Variants in EIF4G3 observed in about 807,000 individuals in gnomAD.
EIF4G3 encodes eukaryotic translation initiation factor 4 gamma 3.
In EIF4G3, 34 loss-of-function variants were observed where a neutral mutation model predicts 186.4. The ratio of observed to expected loss-of-function variants is 0.18; its 90% CI spans 0.14 to 0.24. The LOEUF is 0.24. EIF4G3 is among the 10% of genes least tolerant of loss of function. The pLI, the probability that EIF4G3 is intolerant of heterozygous loss-of-function variation, is 1.00. For missense variants in EIF4G3, 1,536 were observed against 1,948.5 expected, an observed-to-expected ratio of 0.79 and a Z score of 3.99; for synonymous variants, 673 against 679.5, an observed-to-expected ratio of 0.99 and a Z score of 0.15.
chr1:20,950,660 T>G (rs2096171845), intron 12 of EIF4G3, among the ~76,000 whole-genome samples: 1 of 152,166 alleles, frequency 6.6e-6, no homozygotes, highest in African/African-American at 2.4e-5. Flanking sequence ...AATAAAGCAA[T>G]TTTACCATAA....
At chr1:20,977,244 G>A (rs2077045617) in intron 10 of EIF4G3, among the ~76,000 whole-genome samples, 1 of 151,788 alleles carries the variant, frequency 6.6e-6, no homozygotes, top group Non-Finnish European at 1.5e-5. Context: ...TGGAGTGCAG[G>A]GGCATGATCT....
chr1:21,135,269 G>A (rs1409539670), intron 2 of EIF4G3, among the ~76,000 whole-genome samples: 1 of 152,198 alleles, frequency 6.6e-6, no homozygotes. Flanking sequence ...GGAGACCAAG[G>A]CGGGTGGATC....
At chr1:20,940,347 T>C (rs1272747894) in intron 14 of EIF4G3, among the ~76,000 whole-genome samples, 2 of 152,244 alleles carry the variant, frequency 1.3e-5, no homozygotes, top group East Asian at 1.9e-4. Context: ...TTGCATTGTT[T>C]TCTTTCCTGT....
At chr1:20,986,744 C>CAAAAAAAAAAAAAAA (rs61255473) in intron 7 of EIF4G3, among the ~76,000 whole-genome samples, 18 of 66,316 alleles carry the variant, frequency 2.7e-4, no homozygotes, top group East Asian at 7.1e-4. Context: ...GCTCTGTCTC[C>CAAAAAAAAAAAAAAA]AAAAAAAAAA....
intron 9 of EIF4G3, 72 bp from the exon 10 acceptor site, chr1:20,980,520 A>T (rs905597421): frequency 3.9e-6 from 4 of 1,037,904 alleles, no homozygotes; most frequent in Admixed American, 7.0e-5. Context: ...TAAAATAATA[A>T]GAAAGTAGCT....
At chr1:20,854,304 T>A (rs948099424) in intron 26 of EIF4G3, among the ~76,000 whole-genome samples, 2 of 152,140 alleles carry the variant, frequency 1.3e-5, no homozygotes, top group Non-Finnish European at 2.9e-5. Context: ...ATTAAGATTC[T>A]TTTATCAGCA....
In EIF4G3 at chr1:20,841,110, T is replaced by TACTGATTC. The variant is rs1210182178; in HGVS notation, c.3889-83_3889-82insGAATCAGT. 6.3e-6 allele frequency: 9 copies of TACTGATTC among 1,418,256 alleles called. No individual in the cohort carries two copies. In the African/African-American group the frequency reaches 1.3e-4, roughly 20 times the overall value. 87.9% of individuals were successfully genotyped at this position (1,418,256 alleles called of 1,614,324 possible). ...TTAAGATAACTTTAAAATCTTTTAC[T>TACTGATTC]TACAACAGAATCAGTAGAAACTTCC... On this transcript the variant is annotated intron_variant, in intron 29 of 36. Transcript: ENST00000602326.
chr1:21,135,993 C>A (rs1215095579), intron 2 of EIF4G3, among the ~76,000 whole-genome samples: 2 of 150,972 alleles, frequency 1.3e-5, no homozygotes, highest in Non-Finnish European at 3.0e-5. Context: ...ACCATCCTGG[C>A]TAACAAGGTG....
rs2058227247 is a variant in EIF4G3, at chr1:20,807,180, T to C, written c.*139A>G. 3.0e-6 allele frequency: 2 copies of C among 655,870 alleles called. No individual in the cohort carries two copies. Among genetic ancestry groups the C allele is most frequent in the Non-Finnish European group, 4.7e-6 (2 of 422,826 alleles). The allele number at this position is 655,870 out of a possible 1,614,324, so 40.6% of individuals were successfully genotyped here. On this transcript the variant is annotated 3_prime_UTR_variant, in exon 37 of 37. Transcript: ENST00000602326. ...TTTCCTCCATGATCACCTTTTTTTCTCTTTCCCCTCTCCCACTCGTGCACA... is the reference window on the plus strand; with the variant it reads ...TTTCCTCCATGATCACCTTTTTTTCCCTTTCCCCTCTCCCACTCGTGCACA...
rs11811292 is a variant in EIF4G3, at chr1:20,854,712, T to A, written c.3433+266A>T. ...AGAGCGGGATCCCATCTCAAAAATA[T>A]ATAAATAAATAAATAAATAAATAAA... On this transcript the variant is annotated intron_variant, in intron 26 of 36. Coordinates refer to ENST00000602326, the MANE Select transcript of EIF4G3 (RefSeq NM_001391906.1). Among the ~76,000 whole-genome samples, 1,316 of 148,054 alleles carry A rather than the reference T, an allele frequency of 8.9e-3. 16 individuals carry two copies. Among genetic ancestry groups the A allele is most frequent in the African/African-American group, 0.024 (954 of 39,700 alleles).
rs1229688680 is a variant in EIF4G3 at position 20,858,945 on chromosome 1, G to A, written c.3244+1440C>T. On this transcript the variant is annotated intron_variant, in intron 24 of 36. Transcript: ENST00000602326. The stretch of plus-strand genomic sequence containing the variant: ...CGGGAGGCGGAGGTTGCAGTGAGCC[G>A]AGATCGCGCTACTGCACTCCAGCCT... 5.9e-5 allele frequency among the ~76,000 whole-genome samples: 9 copies of A among 152,178 alleles called. No individual in the cohort carries two copies. The East Asian group carries it at 1.5e-3, about 26-fold the overall frequency.
At chr1:21,054,615 C>T (rs2094478827) in intron 3 of EIF4G3, among the ~76,000 whole-genome samples, 1 of 152,072 alleles carries the variant, frequency 6.6e-6, no homozygotes, top group African/African-American at 2.4e-5. Flanking sequence ...CATCATTAGA[C>T]ATATTCTCTA....
chr1:20,837,394 C>T (rs568945666), intron 30 of EIF4G3, among the ~76,000 whole-genome samples: 10 of 152,230 alleles, frequency 6.6e-5, no homozygotes, highest in Non-Finnish European at 1.0e-4. Context: ...TTAGCAGAGA[C>T]GGGGTTTCAC....
At position 21,138,346 on chromosome 1, in the gene EIF4G3, C is replaced by G. The variant is rs72654852; in HGVS notation, c.-272+37829G>C. ...TCAATAGGTACATGAATCACAATGACCCAAGTCCCTCAAGAGTGACCTGAA... is the reference window on the plus strand; with the variant it reads ...TCAATAGGTACATGAATCACAATGAGCCAAGTCCCTCAAGAGTGACCTGAA... On this transcript the variant is annotated intron_variant, in intron 2 of 36. Coordinates refer to ENST00000602326, the MANE Select transcript of EIF4G3 (RefSeq NM_001391906.1). Among the ~76,000 whole-genome samples, 853 of 152,224 alleles carry G rather than the reference C, an allele frequency of 5.6e-3. 3 individuals are homozygous for G. The highest frequency in any genetic ancestry group is 9.6e-3 in the Non-Finnish European group (654 of 68,006).
chr1:21,123,395 T>G (rs1053675708), intron 2 of EIF4G3, among the ~76,000 whole-genome samples: 2 of 151,670 alleles, frequency 1.3e-5, no homozygotes, highest in East Asian at 1.9e-4. Flanking sequence ...AAACCCTGTC[T>G]CTACTAAAAA....
At chr1:20,808,740 G>A (rs1249904233) in intron 36 of EIF4G3, among the ~76,000 whole-genome samples, 5 of 152,106 alleles carry the variant, frequency 3.3e-5, no homozygotes, top group Non-Finnish European at 7.4e-5. Context: ...ATCTCATCTG[G>A]ATTTTATCCA....
chr1:20,923,825 A>G (rs934300763), intron 14 of EIF4G3, among the ~76,000 whole-genome samples: 1 of 150,552 alleles, frequency 6.6e-6, no homozygotes, highest in Non-Finnish European at 1.5e-5. Flanking sequence ...ATATATATAT[A>G]TATATATATT....
chr1:20,959,996 G>C (rs2096535333), intron 12 of EIF4G3, among the ~76,000 whole-genome samples: 1 of 152,070 alleles, frequency 6.6e-6, no homozygotes, highest in South Asian at 2.1e-4. Flanking sequence ...TCCTTAAAGA[G>C]CTAAAAGTAG....
At chr1:21,082,854 C>T (rs993788129) in intron 3 of EIF4G3, among the ~76,000 whole-genome samples, 1 of 151,078 alleles carries the variant, frequency 6.6e-6, no homozygotes, top group East Asian at 2.0e-4. Flanking sequence ...TTGGCTAACA[C>T]GGTGAAACCC....
Sources: allele counts gnomAD v4.1 joint callset (sites outside exome capture counted in the v4.1 genomes callset), GRCh38; gene constraint gnomAD v4.1.1; transcripts MANE v1.5; gene names NCBI Gene and HGNC (gene_info 2026-07-23, HGNC 2026-07-21).